The following MED14 variants were observed in gnomAD, a reference collection of about 807,000 sequenced individuals.
The protein encoded by MED14 is mediator complex subunit 14.
A neutral mutation model predicts 109.0 loss-of-function variants in MED14; 8 were observed. The observed-to-expected ratio is 0.07, with a 90% CI of 0.04 to 0.13. MED14 has a LOEUF of 0.13. MED14 is among the 10% of genes least tolerant of loss of function. MED14 has a pLI of 1.00. For missense variants in MED14, 711 were observed against 1,142.4 expected, an observed-to-expected ratio of 0.62 and a Z score of 5.44; for synonymous variants, 399 against 408.7, an observed-to-expected ratio of 0.98 and a Z score of 0.29.
At chrX:40,670,323 A>G (rs959055517) in intron 23 of MED14, among the ~76,000 whole-genome samples, 2 of 112,763 alleles carry the variant, frequency 1.8e-5, no homozygotes, top group Non-Finnish European at 3.7e-5. Context: ...AAAAGGTTTT[A>G]TATTATTCTC....
At chrX:40,721,955 G>A (rs1931736143) in intron 3 of MED14, among the ~76,000 whole-genome samples, 1 of 111,860 alleles carries the variant, frequency 8.9e-6, no homozygotes, top group Non-Finnish European at 1.9e-5. Context: ...TGAGCTTGGG[G>A]CCTAAGTACC....
intron 12 of MED14, among the ~76,000 whole-genome samples, chrX:40,700,381 AAAAAAAAAAAAT>A (rs1391474435): frequency 8.0e-5 from 8 of 100,218 alleles, no homozygotes; most frequent in African/African-American, 2.5e-4. Flanking sequence ...AAAAAAAAAA[AAAAAAAAAAAAT>A]TCATGCCCTG....
intron 23 of MED14, among the ~76,000 whole-genome samples, chrX:40,669,318 T>A (rs1050353514): frequency 4.5e-5 from 5 of 111,873 alleles, no homozygotes; most frequent in African/African-American, 1.6e-4. Flanking sequence ...GGTTCTACAA[T>A]CCTGTTTCTC....
chrX:40,692,510 C>T (rs989135480), intron 14 of MED14, among the ~76,000 whole-genome samples, 193 bp from the exon 15 acceptor site: 1 of 112,034 alleles, frequency 8.9e-6, no homozygotes, highest in Non-Finnish European at 1.9e-5. Flanking sequence ...CACAAGTTCT[C>T]TCATGGAAAA....
At chrX:40,726,075 G>A (rs954416123) in intron 3 of MED14, among the ~76,000 whole-genome samples, 1 of 111,643 alleles carries the variant, frequency 9.0e-6, no homozygotes, top group Non-Finnish European at 1.9e-5. Context: ...ACTCCTTAAC[G>A]CTTCTTGAAC....
intron 10 of MED14, among the ~76,000 whole-genome samples, chrX:40,705,715 T>C (rs1171435310): frequency 9.0e-6 from 1 of 111,602 alleles, no homozygotes; most frequent in Non-Finnish European, 1.9e-5. Context: ...ACAGACAGAA[T>C]ATAAAGTGTG....
chrX:40,701,183 G>A lies in MED14; in HGVS notation c.1472C>T (p.Pro491Leu), dbSNP rs1401885699. Reference sequence around the variant, plus strand: ...AGCTTACTTAAGTTGCTGAATCCAGGGTATGATTCGTTTCATATCATCATT... The same window carrying A: ...AGCTTACTTAAGTTGCTGAATCCAGAGTATGATTCGTTTCATATCATCATT... The part of the protein sequence containing the change: ...SVNDDMKRII[P>L]WIQQLKFWLG... The change falls in exon 12 of 31, where the codon CCC (proline) becomes CTC (leucine). Residue 491 changes from proline (P) to leucine (L), a missense_variant. By Grantham distance (98) the Pro-to-Leu change is moderately conservative (BLOSUM62 -3). Around this residue, in one of 8 missense-constraint regions of MED14, gnomAD observed 388 missense variants for 517.3 expected, o/e 0.75. Coordinates refer to ENST00000324817, the MANE Select transcript of MED14 (RefSeq NM_004229.4). 3 of 1,201,769 alleles carry A rather than the reference G, an allele frequency of 2.5e-6. No homozygotes were observed. Among genetic ancestry groups the A allele is most frequent in the Non-Finnish European group, 3.4e-6 (3 of 889,127 alleles).
chrX:40,700,213 G>A (rs951449140), intron 12 of MED14, among the ~76,000 whole-genome samples: 2 of 107,333 alleles, frequency 1.9e-5, no homozygotes, highest in African/African-American at 6.8e-5. Context: ...AAAATTGGCT[G>A]GGCATGGTAG....
rs1929585280 is a variant in MED14 at position 40,668,316 on chromosome X, G to A, written c.3134-1465C>T. Among the ~76,000 whole-genome samples, 3 of 101,563 alleles carry A rather than the reference G, an allele frequency of 3.0e-5. No individual in the cohort carries two copies. The Admixed American group carries it at 3.3e-4, about 11-fold the overall frequency. 88.2% of individuals were successfully genotyped at this position (101,563 alleles called of 115,157 possible). On this transcript the variant is annotated intron_variant, in intron 23 of 30. Coordinates refer to ENST00000324817, the MANE Select transcript of MED14 (RefSeq NM_004229.4). ...GAGAATCACTTGAACCCAGAAGGCG[G>A]AGGTTGCAGCAAGCTGAGATCACGC...
intron 16 of MED14, among the ~76,000 whole-genome samples, chrX:40,687,752 T>C (rs1930346216): frequency 9.0e-6 from 1 of 111,691 alleles, no homozygotes; most frequent in African/African-American, 3.3e-5. Flanking sequence ...CAAGTATAAC[T>C]GGTACTTCCT....
At chrX:40,654,640 T>C in intron 29 of MED14, 84 bp from the exon 30 acceptor site, 1 of 974,085 alleles carries the variant, frequency 1.0e-6, no homozygotes, top group Non-Finnish European at 1.4e-6. Flanking sequence ...TCATTTACTG[T>C]ACTTTCAGAT....
intron 28 of MED14, among the ~76,000 whole-genome samples, chrX:40,656,180 G>A (rs902212879): frequency 9.0e-6 from 1 of 111,292 alleles, no homozygotes. Context: ...ATCTGGGAGT[G>A]AGAAGAATCT....
chrX:40,661,603 TA>T (rs1190118449), intron 26 of MED14, among the ~76,000 whole-genome samples: 34 of 112,388 alleles, frequency 3.0e-4, no homozygotes, highest in African/African-American at 1.1e-3. Context: ...GACAGTATAT[TA>T]AGGGCTTTAC....
chrX:40,694,041 G>T (rs749709531), intron 13 of MED14, among the ~76,000 whole-genome samples: 2 of 110,753 alleles, frequency 1.8e-5, no homozygotes, highest in African/African-American at 6.6e-5. Context: ...GGGATTACAG[G>T]TGTGTGCCAC....
intron 14 of MED14, 125 bp downstream of exon 14, chrX:40,692,582 TA>T (rs1292337744): frequency 1.6e-5 from 10 of 635,383 alleles, no homozygotes; most frequent in Non-Finnish European, 2.1e-5. Flanking sequence ...AATTGTTACT[TA>T]AGCCTTATTG....
chrX:40,715,358 A>G lies in MED14; in HGVS notation c.349-648T>C, dbSNP rs767071026. On this transcript the variant is annotated intron_variant, in intron 3 of 30. Coordinates refer to ENST00000324817, the MANE Select transcript of MED14 (RefSeq NM_004229.4). ...ATGGTGATGGGAAAACTCGATAACC[A>G]TCATATGCAAAAGAATGAAACTAGA... 1.1e-4 allele frequency among the ~76,000 whole-genome samples: 12 copies of G among 111,871 alleles called. No homozygotes were observed. The East Asian group carries it at 3.1e-3, about 29-fold the overall frequency.
intron 1 of MED14, among the ~76,000 whole-genome samples, chrX:40,730,688 C>T (rs746322258): frequency 2.7e-5 from 3 of 111,276 alleles, no homozygotes; most frequent in African/African-American, 6.5e-5. Context: ...ATTTGAAATT[C>T]TTTTATGGAT....
chrX:40,686,154 A>C lies in MED14; in HGVS notation c.2057+2300T>G, dbSNP rs147453470. On this transcript the variant is annotated intron_variant, in intron 16 of 30. Coordinates refer to ENST00000324817, the MANE Select transcript of MED14 (RefSeq NM_004229.4). ...TTATGTATATTTTCCTTTACATTTT[A>C]AAATAAAGAAAACAAAAGCCAAGAT... Among the ~76,000 whole-genome samples, 1,087 of 111,999 alleles carry C rather than the reference A, an allele frequency of 9.7e-3. 10 individuals carry two copies. Among genetic ancestry groups the C allele is most frequent in the African/African-American group, 0.034 (1,048 of 30,884 alleles).
intron 3 of MED14, among the ~76,000 whole-genome samples, chrX:40,722,782 A>C (rs1931765193): frequency 8.9e-6 from 1 of 111,831 alleles, no homozygotes; most frequent in Non-Finnish European, 1.9e-5. Flanking sequence ...GAGACTTTTC[A>C]GTGAAAACCT....
Sources: gnomAD v4.1 joint callset for allele counts (sites outside exome capture counted in the v4.1 genomes callset) on GRCh38, gnomAD v4.1.1 for gene constraint, gnomAD v4.1.1 regional missense constraint, MANE v1.5 for transcripts, NCBI Gene and HGNC (gene_info 2026-07-23, HGNC 2026-07-21) for gene names.